Variants in TEX11 observed in about 807,000 individuals in gnomAD.
TEX11 encodes the protein testis expressed 11.
In TEX11, 7 loss-of-function variants were observed where a neutral mutation model predicts 84.4. That is an observed-to-expected ratio of 0.08 (90% confidence interval 0.05 to 0.16). The LOEUF (loss-of-function observed/expected upper bound fraction) is 0.16, where lower values mean the gene tolerates loss of function less well. TEX11 is among the 10% of genes least tolerant of loss of function. TEX11 has a pLI of 1.00. For synonymous variants in TEX11, 264 were observed against 222.8 expected, an observed-to-expected ratio of 1.18 and a Z score of -1.64; for missense variants, 551 against 660.5, an observed-to-expected ratio of 0.83 and a Z score of 1.82.
chrX:70,907,683 C>T (rs2091841366), intron 2 of TEX11, 70 bp downstream of exon 2: 16 of 869,276 alleles, frequency 1.8e-5, no homozygotes, highest in Admixed American at 6.8e-5. Context: ...TGAGCCACCG[C>T]GCCCAGCAAT....
intron 9 of TEX11, among the ~76,000 whole-genome samples, chrX:70,767,748 A>G (rs780665009): frequency 6.3e-4 from 71 of 112,274 alleles, no homozygotes; most frequent in South Asian, 3.7e-3. Flanking sequence ...AGATGAATGG[A>G]TAAAGAAATG....
intron 9 of TEX11, among the ~76,000 whole-genome samples, chrX:70,763,066 A>G (rs939089260): frequency 8.9e-6 from 1 of 111,787 alleles, no homozygotes; most frequent in African/African-American, 3.3e-5. Flanking sequence ...AAAAATCTAA[A>G]ATTAGAACTA....
chrX:70,546,961 A>T (rs2088134512), intron 28 of TEX11, among the ~76,000 whole-genome samples: 1 of 106,911 alleles, frequency 9.4e-6, no homozygotes, highest in African/African-American at 3.4e-5. Context: ...AAACAACTCA[A>T]ATATCTATGA....
At chrX:70,528,483 A>G (rs752537331), downstream of TEX11, among the ~76,000 whole-genome samples, 117 of 96,062 alleles carry the variant, frequency 1.2e-3, no homozygotes, top group Non-Finnish European at 2.0e-3. Flanking sequence ...ATGCCTGGCT[A>G]TTTTTTTTTT....
chrX:70,757,489 T>C (rs781462309), intron 9 of TEX11, among the ~76,000 whole-genome samples: 7 of 111,671 alleles, frequency 6.3e-5, no homozygotes, highest in African/African-American at 2.3e-4. Flanking sequence ...AGAGAAGAAT[T>C]TTCAACCCAG....
intron 7 of TEX11, among the ~76,000 whole-genome samples, chrX:70,845,580 C>T (rs1043766649): frequency 2.7e-4 from 30 of 110,860 alleles, no homozygotes; most frequent in African/African-American, 7.9e-4. Context: ...GTAATCCCAG[C>T]ACTTTGGGAG....
intron 24 of TEX11, among the ~76,000 whole-genome samples, chrX:70,605,165 C>T (rs994087486): frequency 1.8e-5 from 2 of 110,518 alleles, no homozygotes; most frequent in African/African-American, 6.6e-5. Flanking sequence ...AAAGAGTGGT[C>T]CATAGGAAGG....
At chrX:70,645,005 T>C (rs1017792610) in intron 17 of TEX11, among the ~76,000 whole-genome samples, 3 of 110,142 alleles carry the variant, frequency 2.7e-5, no homozygotes, top group Admixed American at 9.7e-5. Context: ...TAAAAAATCA[T>C]GCGACTACTA....
At chrX:70,567,447 C>G (rs1484432270) in intron 25 of TEX11, among the ~76,000 whole-genome samples, 6 of 110,783 alleles carry the variant, frequency 5.4e-5, no homozygotes, top group Non-Finnish European at 7.6e-5. Flanking sequence ...CTTCTGCTAG[C>G]TTTTGAATGT....
intron 1 of TEX11, 29 bp from the exon 2 acceptor site, chrX:70,907,839 C>T (rs1452873242): frequency 2.3e-6 from 2 of 882,754 alleles, no homozygotes; most frequent in Non-Finnish European, 3.3e-6. Context: ...TTTTAATACT[C>T]TGTTTTATCC....
At chrX:70,549,828 AGTT>A (rs1245849524) in intron 28 of TEX11, among the ~76,000 whole-genome samples, 1 of 112,592 alleles carries the variant, frequency 8.9e-6, no homozygotes, top group Non-Finnish European at 1.9e-5. Context: ...GCCAGGGGGA[AGTT>A]GCTGCCCTGA....
chrX:70,561,719 T>C (rs2088377934), intron 25 of TEX11, among the ~76,000 whole-genome samples: 1 of 111,261 alleles, frequency 9.0e-6, no homozygotes, highest in Admixed American at 9.6e-5. Context: ...TTATTCCAAA[T>C]CACAGATAAA....
intron 24 of TEX11, among the ~76,000 whole-genome samples, chrX:70,595,604 C>G (rs2088995925): frequency 9.0e-6 from 1 of 110,650 alleles, no homozygotes; most frequent in African/African-American, 3.3e-5. Context: ...TTGTAAGCCC[C>G]AGAGTGACCA....
chrX:70,692,191 G>T (rs1281206407), intron 13 of TEX11, among the ~76,000 whole-genome samples: 1 of 111,659 alleles, frequency 9.0e-6, no homozygotes, highest in Non-Finnish European at 1.9e-5. Flanking sequence ...GCACACTCAA[G>T]ATATCACCAC....
chrX:70,684,140 TCCACCAAAGAACTCTAAGA>T (rs2090168698), intron 13 of TEX11, among the ~76,000 whole-genome samples: 2 of 111,889 alleles, frequency 1.8e-5, no homozygotes, highest in Non-Finnish European at 3.8e-5. Flanking sequence ...CTCTAAAGAC[TCCACCAAAGAACTCTAAGA>T]ACTAATAAAT....
intron 4 of TEX11, 91 bp downstream of exon 4, chrX:70,873,132 A>G: frequency 3.7e-6 from 2 of 537,339 alleles, no homozygotes; most frequent in Non-Finnish European, 6.1e-6. Flanking sequence ...CTATCTAAGA[A>G]TGGGTCAAAA....
intron 16 of TEX11, among the ~76,000 whole-genome samples, chrX:70,667,668 C>T (rs1028934497): frequency 8.9e-6 from 1 of 111,960 alleles, no homozygotes; most frequent in Admixed American, 9.4e-5. Context: ...TGGCTCACGC[C>T]TGTAATCCCA....
chrX:70,561,853 T>C (rs1228768964), intron 25 of TEX11, among the ~76,000 whole-genome samples: 1 of 112,460 alleles, frequency 8.9e-6, no homozygotes, highest in African/African-American at 3.2e-5. Flanking sequence ...ATGATTGATA[T>C]ATTAGGTAAC....
intron 20 of TEX11, among the ~76,000 whole-genome samples, chrX:70,617,137 T>A (rs1434942620): frequency 9.1e-6 from 1 of 110,011 alleles, no homozygotes; most frequent in South Asian, 3.8e-4. Context: ...AATATATACA[T>A]CTACTATGTA....
Sources: gnomAD v4.1 joint callset for allele counts (sites outside exome capture counted in the v4.1 genomes callset) on GRCh38, gnomAD v4.1.1 for gene constraint, MANE v1.5 for transcripts, NCBI Gene and HGNC (gene_info 2026-07-23, HGNC 2026-07-21) for gene names.